Variants in LDB2 observed in about 807,000 individuals in gnomAD.
The protein encoded by LDB2 is LIM domain binding 2.
A neutral mutation model predicts 44.3 loss-of-function variants in LDB2; 12 were observed. The ratio of observed to expected loss-of-function variants is 0.27; its 90% CI spans 0.17 to 0.44. The LOEUF (loss-of-function observed/expected upper bound fraction) is 0.44. Among genes scored for constraint, LDB2 ranks in the 20% least tolerant of loss-of-function variants. LDB2 has a pLI of 1.00. For synonymous variants in LDB2, 164 were observed against 174.8 expected (o/e 0.94, Z 0.49); for missense variants, 344 against 473.5 (o/e 0.73, Z 2.54).
intron 1 of LDB2, among the ~76,000 whole-genome samples, chr4:16,801,569 C>G (rs1429950863): frequency 6.6e-6 from 1 of 152,196 alleles, no homozygotes; most frequent in Non-Finnish European, 1.5e-5. Flanking sequence ...AGTCACCCAT[C>G]TCCCCCAAGT....
intron 1 of LDB2, among the ~76,000 whole-genome samples, chr4:16,885,155 A>T (rs909116563): frequency 3.2e-5 from 1 of 30,818 alleles, no homozygotes; most frequent in African/African-American, 7.1e-5. Flanking sequence ...TACCACTTCT[A>T]AAAAAAAAAA....
At chr4:16,731,893 T>C (rs1445766284) in intron 2 of LDB2, among the ~76,000 whole-genome samples, 2 of 152,096 alleles carry the variant, frequency 1.3e-5, no homozygotes, top group African/African-American at 2.4e-5. Flanking sequence ...AGCAAACGAA[T>C]GTAAATCCAA....
rs372516067 is a variant in LDB2, at chr4:16,766,922, A to G, written c.133-7662T>C. Among the ~76,000 whole-genome samples, 12 of 152,246 alleles carry G rather than the reference A, an allele frequency of 7.9e-5. No individual in the cohort carries two copies. In the East Asian group the frequency reaches 2.3e-3, roughly 29 times the overall value. ...TACTAATAATCTCAGATAGTTCCTA[A>G]TTTTTTGGTCATCCCAACAATGCTG... On this transcript the variant is annotated intron_variant, in intron 1 of 7. Transcript: ENST00000304523.
At chr4:16,776,205 T>TA (rs1440818491) in intron 1 of LDB2, among the ~76,000 whole-genome samples, 1 of 152,194 alleles carries the variant, frequency 6.6e-6, no homozygotes, top group East Asian at 1.9e-4. Context: ...AAAATGTCCT[T>TA]ACAGGGTGTG....
At chr4:16,699,776 A>C (rs891455011) in intron 2 of LDB2, among the ~76,000 whole-genome samples, 1 of 152,212 alleles carries the variant, frequency 6.6e-6, no homozygotes, top group Non-Finnish European at 1.5e-5. Flanking sequence ...TTCATTGCTC[A>C]GTTCTCTCCT....
intron 1 of LDB2, among the ~76,000 whole-genome samples, chr4:16,793,961 C>T (rs965850442): frequency 6.6e-6 from 1 of 151,974 alleles, no homozygotes; most frequent in Non-Finnish European, 1.5e-5. Context: ...CCTTTCCTAC[C>T]CCTCTCGGTA....
At chr4:16,642,297 G>T (rs998213277) in intron 2 of LDB2, among the ~76,000 whole-genome samples, 21 of 152,010 alleles carry the variant, frequency 1.4e-4, no homozygotes, top group African/African-American at 5.1e-4. Context: ...GAACTGTATA[G>T]TAACTATGAG....
chr4:16,780,009 G>T (rs995682291), intron 1 of LDB2, among the ~76,000 whole-genome samples: 1 of 151,806 alleles, frequency 6.6e-6, no homozygotes, highest in Non-Finnish European at 1.5e-5. Context: ...TTACTTACTT[G>T]TTCACTCATT....
chr4:16,668,982 A>G (rs981866001), intron 2 of LDB2, among the ~76,000 whole-genome samples: 2 of 152,186 alleles, frequency 1.3e-5, no homozygotes, highest in Admixed American at 6.5e-5. Flanking sequence ...CTTGGGTCAC[A>G]TGCTCATCTC....
intron 1 of LDB2, among the ~76,000 whole-genome samples, chr4:16,887,858 TATTGAATTCTTCAATAGGA>T (rs1722210301): frequency 6.6e-6 from 1 of 152,118 alleles, no homozygotes; most frequent in African/African-American, 2.4e-5. Context: ...GAAGAATTCC[TATTGAATTCTTCAATAGGA>T]ATTCTTCAAA....
intron 1 of LDB2, among the ~76,000 whole-genome samples, chr4:16,873,932 T>C (rs1717558749): frequency 6.6e-6 from 1 of 152,208 alleles, no homozygotes; most frequent in African/African-American, 2.4e-5. Context: ...TGTGAAAGGC[T>C]TCTTCTATTT....
At chr4:16,563,336 A>G (rs1419740223) in intron 5 of LDB2, among the ~76,000 whole-genome samples, 3 of 148,196 alleles carry the variant, frequency 2.0e-5, no homozygotes, top group Non-Finnish European at 4.5e-5. Context: ...AAAAACCTCC[A>G]TGTCATGTTT....
chr4:16,534,850 GCCCTCATGT>G (rs1264685597), intron 5 of LDB2, among the ~76,000 whole-genome samples: 1 of 152,062 alleles, frequency 6.6e-6, no homozygotes, highest in Non-Finnish European at 1.5e-5. Context: ...CCTTCACAAA[GCCCTCATGT>G]ACCCTGAGGT....
chr4:16,652,725 C>T (rs761908473), intron 2 of LDB2, among the ~76,000 whole-genome samples: 3 of 152,296 alleles, frequency 2.0e-5, no homozygotes, highest in Non-Finnish European at 2.9e-5. Flanking sequence ...AGGTGTGAAG[C>T]CGCAAGCCTC....
At chr4:16,674,398 A>G (rs1745708744) in intron 2 of LDB2, 1 of 543,770 alleles carries the variant, frequency 1.8e-6, no homozygotes, top group Non-Finnish European at 3.2e-6. Flanking sequence ...AGAAGCAGGG[A>G]CCCCAGCTCT....
chr4:16,502,494 A>T lies in LDB2; in HGVS notation c.*149T>A. 1 of 1,164,168 alleles carries T rather than the reference A, an allele frequency of 8.6e-7. No homozygotes were observed. The highest frequency in any genetic ancestry group is 1.2e-6 in the Non-Finnish European group (1 of 818,324). 72.1% of individuals were successfully genotyped at this position (1,164,168 alleles called of 1,614,324 possible). ...TCCTCTCAATTAGAAAAAAAGAAAG[A>T]AGAAAGAAAATCAGATCATTGTGGT... On this transcript the variant is annotated 3_prime_UTR_variant, in exon 8 of 8. Coordinates refer to ENST00000304523, the MANE Select transcript of LDB2 (RefSeq NM_001290.5).
intron 7 of LDB2, 76 bp from the exon 8 acceptor site, chr4:16,502,949 G>C (rs2152188576): frequency 6.2e-7 from 1 of 1,604,220 alleles, no homozygotes; most frequent in Admixed American, 1.7e-5. Context: ...AGTGGGAGGA[G>C]TCGGGGAATC....
intron 1 of LDB2, among the ~76,000 whole-genome samples, chr4:16,843,893 C>T (rs892811060): frequency 6.6e-6 from 1 of 152,078 alleles, no homozygotes; most frequent in African/African-American, 2.4e-5. Context: ...GCTGGGATTA[C>T]AGGTGTGAGC....
At chr4:16,510,673 T>C (rs575387059) in intron 6 of LDB2, among the ~76,000 whole-genome samples, 1 of 152,314 alleles carries the variant, frequency 6.6e-6, no homozygotes, top group East Asian at 1.9e-4. Context: ...TTGTTAGCCA[T>C]GAGACTGGCT....
Sources: allele counts gnomAD v4.1 joint callset (sites outside exome capture counted in the v4.1 genomes callset), GRCh38; gene constraint gnomAD v4.1.1; transcripts MANE v1.5; gene names NCBI Gene and HGNC (gene_info 2026-07-23, HGNC 2026-07-21).